The following OSBPL10 variants were observed in gnomAD, a reference collection of about 807,000 sequenced individuals.
The protein encoded by OSBPL10 is oxysterol-binding protein-related protein 10.
OSBPL10 carries 49 observed loss-of-function variants against 81.7 expected under a neutral mutation model. That is an observed-to-expected ratio of 0.60 (90% confidence interval 0.48 to 0.76). OSBPL10 has a LOEUF of 0.76. Among genes scored for constraint, OSBPL10 ranks in the 30% least tolerant of loss-of-function variants. The pLI is 0.00. For synonymous variants in OSBPL10, 419 were observed against 383.6 expected (o/e 1.09, Z -1.08); for missense variants, 923 against 987.8 (o/e 0.93, Z 0.88).
chr3:31,952,430 T>C (rs1322346926), intron 1 of OSBPL10, among the ~76,000 whole-genome samples: 1 of 152,150 alleles, frequency 6.6e-6, no homozygotes, highest in Non-Finnish European at 1.5e-5. Flanking sequence ...GGCGTATCCC[T>C]CGTCACGCTC....
At chr3:31,829,926 G>T in intron 4 of OSBPL10, 114 bp downstream of exon 4, 2 of 1,082,790 alleles carry the variant, frequency 1.8e-6, no homozygotes, top group Non-Finnish European at 2.6e-6. Flanking sequence ...GAGGTTTGCT[G>T]CTGGTCCTCT....
At chr3:31,677,666 G>A (rs937347850) in intron 8 of OSBPL10, among the ~76,000 whole-genome samples, 5 of 152,172 alleles carry the variant, frequency 3.3e-5, no homozygotes, top group Non-Finnish European at 7.4e-5. Context: ...GTCCTGGGCT[G>A]GGTAAAGTGA....
At chr3:32,022,578 G>A (rs1403785919) in intron 2 of OSBPL10, among the ~76,000 whole-genome samples, 1 of 152,134 alleles carries the variant, frequency 6.6e-6, no homozygotes, top group Non-Finnish European at 1.5e-5. Context: ...TTGAGCTCAG[G>A]AGTTTGAGAC....
At chr3:31,752,186 C>T (rs946960645) in intron 4 of OSBPL10, among the ~76,000 whole-genome samples, 1 of 152,204 alleles carries the variant, frequency 6.6e-6, no homozygotes, top group Admixed American at 6.5e-5. Context: ...TCACCTAGAT[C>T]TCCCAGCCTT....
At chr3:31,731,937 CAG>C (rs1696983158) in intron 6 of OSBPL10, among the ~76,000 whole-genome samples, 1 of 152,158 alleles carries the variant, frequency 6.6e-6, no homozygotes, top group Non-Finnish European at 1.5e-5. Flanking sequence ...ATCAGAAAAA[CAG>C]AGAAGAAACA....
chr3:31,823,606 T>C (rs577814621), intron 4 of OSBPL10, among the ~76,000 whole-genome samples: 6 of 152,252 alleles, frequency 3.9e-5, no homozygotes, highest in African/African-American at 1.4e-4. Context: ...AAATAATAAA[T>C]AGGTAAAAAG....
intron 1 of OSBPL10, among the ~76,000 whole-genome samples, chr3:31,923,859 T>C (rs1038714430): frequency 3.3e-5 from 5 of 152,196 alleles, no homozygotes; most frequent in Admixed American, 2.6e-4. Flanking sequence ...GCCAAAAATA[T>C]TCTTAAGTAC....
At chr3:31,662,228 C>G in intron 11 of OSBPL10, 112 bp from the exon 12 acceptor site, 1 of 1,559,812 alleles carries the variant, frequency 6.4e-7, no homozygotes, top group Admixed American at 1.8e-5. Flanking sequence ...ATACCTCACA[C>G]GCAGGCCAGG....
chr3:31,990,474 C>T, intron 2 of OSBPL10: 3 of 1,542,342 alleles, frequency 1.9e-6, no homozygotes, highest in Non-Finnish European at 2.6e-6. Flanking sequence ...CCTTCCATCA[C>T]AATTCAGCCC....
At chr3:31,740,044 AC>A (rs1697292473) in intron 5 of OSBPL10, among the ~76,000 whole-genome samples, 1 of 128,180 alleles carries the variant, frequency 7.8e-6, no homozygotes, top group Non-Finnish European at 1.6e-5. Flanking sequence ...TATGAATAAT[AC>A]TTTTTTTTTT....
intron 1 of OSBPL10, chr3:31,969,443 C>G (rs1278163044): frequency 6.6e-6 from 1 of 152,210 alleles, no homozygotes; most frequent in Non-Finnish European, 1.5e-5. Flanking sequence ...GAAAAACCAC[C>G]GAACACAACC....
intron 1 of OSBPL10, among the ~76,000 whole-genome samples, chr3:31,915,771 T>G (rs763647710): frequency 6.6e-5 from 10 of 151,782 alleles, no homozygotes; most frequent in Non-Finnish European, 1.3e-4. Context: ...GAAAAAAAAT[T>G]ATCTGTAACC....
chr3:32,009,045 A>G, intron 2 of OSBPL10, among the ~76,000 whole-genome samples: 1 of 152,176 alleles, frequency 6.6e-6, no homozygotes, highest in Admixed American at 6.6e-5. Context: ...ACTTTTCTAT[A>G]CTGTTTATGT....
intron 4 of OSBPL10, among the ~76,000 whole-genome samples, chr3:31,812,783 A>AACTTCTCC (rs1559476351): frequency 1.8e-5 from 1 of 54,218 alleles, no homozygotes; most frequent in Non-Finnish European, 3.4e-5. Flanking sequence ...AGAAAGAAAG[A>AACTTCTCC]AAGAAAGAAA....
intron 1 of OSBPL10, among the ~76,000 whole-genome samples, chr3:31,893,394 A>G (rs1025556606): frequency 6.6e-6 from 1 of 152,224 alleles, no homozygotes; most frequent in Admixed American, 6.5e-5. Context: ...TAGAACAGCT[A>G]TAATTAAAAA....
intron 3 of OSBPL10, among the ~76,000 whole-genome samples, chr3:31,874,356 A>T (rs980594148): frequency 1.3e-5 from 2 of 152,188 alleles, no homozygotes; most frequent in African/African-American, 4.8e-5. Context: ...ACCAAAAGCC[A>T]AAAATAAAAA....
At chr3:32,044,741 C>CAAAAAAAAAAAAAAAA (rs34855965) in intron 2 of OSBPL10, among the ~76,000 whole-genome samples, 1 of 67,070 alleles carries the variant, frequency 1.5e-5, no homozygotes, top group Non-Finnish European at 2.7e-5. Context: ...AACTCCATCT[C>CAAAAAAAAAAAAAAAA]AAAAAAAAAA....
Position 32,005,289 on chromosome 3 carries a change from A to C in OSBPL10, n.298+41202T>G, listed in dbSNP as rs368438272. ...CATGATGCACACGCACATCTAGTTCATAGGGCCTAACTGCTGGAAAGTATT... is the reference window on the plus strand; with the variant it reads ...CATGATGCACACGCACATCTAGTTCCTAGGGCCTAACTGCTGGAAAGTATT... On this transcript the variant is annotated intron_variant and non_coding_transcript_variant, in intron 2 of 3. Coordinates refer to the OSBPL10 transcript ENST00000479173. Among the ~76,000 whole-genome samples, 36 of 152,286 alleles carry C rather than the reference A, an allele frequency of 2.4e-4. No homozygotes were observed. The South Asian group carries it at 7.3e-3, about 31-fold the overall frequency.
intron 2 of OSBPL10, among the ~76,000 whole-genome samples, chr3:32,002,890 C>G (rs1288631925): frequency 6.7e-6 from 1 of 150,156 alleles, no homozygotes; most frequent in Non-Finnish European, 1.5e-5. Context: ...CTAATTTTTA[C>G]TTTCTCTTGT....
Sources: allele counts gnomAD v4.1 joint callset (sites outside exome capture counted in the v4.1 genomes callset), GRCh38; gene constraint gnomAD v4.1.1; transcripts MANE v1.5; gene names NCBI Gene and HGNC (gene_info 2026-07-23, HGNC 2026-07-21).